The following CACNG3 variants were observed in gnomAD, a reference collection of about 807,000 sequenced individuals.
CACNG3 encodes voltage-dependent calcium channel gamma-3 subunit.
In CACNG3, 3 loss-of-function variants were observed where a neutral mutation model predicts 28.5. The observed-to-expected ratio is 0.11, with a 90% CI of 0.05 to 0.27. The LOEUF (loss-of-function observed/expected upper bound fraction) is 0.27, where lower values mean the gene tolerates loss of function less well. Among genes scored for constraint, CACNG3 ranks in the 10% least tolerant of loss-of-function variants. The pLI, the probability that CACNG3 is intolerant of heterozygous loss-of-function variation, is 1.00. For missense variants in CACNG3, 236 were observed against 414.4 expected (o/e 0.57, Z 3.74); for synonymous variants, 174 against 162.2 (o/e 1.07, Z -0.55).
chr16:24,270,370 A>G (rs1036721548), intron 1 of CACNG3, among the ~76,000 whole-genome samples: 1 of 152,234 alleles, frequency 6.6e-6, no homozygotes, highest in African/African-American at 2.4e-5. Flanking sequence ...AATATGTATT[A>G]CCAAGTAAGT....
chr16:24,267,488 A>G (rs1424160352), intron 1 of CACNG3, among the ~76,000 whole-genome samples: 1 of 152,048 alleles, frequency 6.6e-6, no homozygotes, highest in Non-Finnish European at 1.5e-5. Context: ...GGGTCTTGCT[A>G]TGCAGGCCAG....
chr16:24,274,201 C>CAA (rs145193156), intron 1 of CACNG3, among the ~76,000 whole-genome samples: 49 of 128,074 alleles, frequency 3.8e-4, no homozygotes, highest in African/African-American at 1.2e-3. Flanking sequence ...AAAAAAAAAA[C>CAA]AAAAAAAAAA....
At chr16:24,359,076 G>A (rs1214975177) in intron 3 of CACNG3, among the ~76,000 whole-genome samples, 5 of 151,978 alleles carry the variant, frequency 3.3e-5, no homozygotes, top group Non-Finnish European at 7.4e-5. Flanking sequence ...GCCACCCACC[G>A]TGCTGCCCCC....
chr16:24,361,624 T>C lies in CACNG3; in HGVS notation c.709T>C (p.Ser237Pro). The C allele has an allele frequency of 6.2e-7, 1 of 1,613,436 alleles. No individual in the cohort carries two copies. The highest frequency in any genetic ancestry group is 8.5e-7 in the Non-Finnish European group (1 of 1,179,740). Residue 237 changes from serine (S) to proline (P), a missense_variant, in exon 4 of 4, where the codon TCT becomes CCT. Transcript: ENST00000005284. The surrounding 1 kb of genome is among the most constrained non-coding windows in gnomAD (Gnocchi z 6.8). ...GTATCGATTCCGGAGGCGGTCAAGT[T>C]CTCGCTCCACCGAGCCCAGATCCCG... is the stretch of plus-strand genomic sequence containing the variant. ...YRYRFRRRSS[S>P]RSTEPRSRDL...
chr16:24,271,310 C>T (rs1898687723), intron 1 of CACNG3, among the ~76,000 whole-genome samples: 1 of 152,218 alleles, frequency 6.6e-6, no homozygotes, highest in Non-Finnish European at 1.5e-5. Flanking sequence ...TTAGCACTGT[C>T]TTCCTTCTTT....
intron 1 of CACNG3, among the ~76,000 whole-genome samples, chr16:24,289,110 A>G (rs921992957): frequency 6.6e-6 from 1 of 152,034 alleles, no homozygotes; most frequent in African/African-American, 2.4e-5. Context: ...CATGTCTACA[A>G]AGGTAGTAAG....
intron 1 of CACNG3, among the ~76,000 whole-genome samples, chr16:24,329,184 G>A (rs1899600782): frequency 6.6e-6 from 1 of 152,202 alleles, no homozygotes; most frequent in Non-Finnish European, 1.5e-5. Context: ...CCAGTGTGGT[G>A]TTTGCTCAAA....
chr16:24,320,711 C>T (rs1374974240), intron 1 of CACNG3, among the ~76,000 whole-genome samples: 1 of 151,988 alleles, frequency 6.6e-6, no homozygotes, highest in African/African-American at 2.4e-5. Context: ...CAGAAAGAAA[C>T]AATTCATACG....
chr16:24,294,339 G>A (rs986381935), intron 1 of CACNG3, among the ~76,000 whole-genome samples: 3 of 152,190 alleles, frequency 2.0e-5, no homozygotes, highest in Non-Finnish European at 2.9e-5. Flanking sequence ...CAGCAGAGTC[G>A]CCTGTGCCAA....
chr16:24,285,307 A>G (rs936534670), intron 1 of CACNG3, among the ~76,000 whole-genome samples: 1 of 152,202 alleles, frequency 6.6e-6, no homozygotes, highest in Non-Finnish European at 1.5e-5. Flanking sequence ...GCAAACACAG[A>G]TTGTTTAAGG....
intron 1 of CACNG3, among the ~76,000 whole-genome samples, chr16:24,338,446 T>A (rs55710724): frequency 0.15 from 22,292 of 152,086 alleles, 1,888 homozygotes; most frequent in Non-Finnish European, 0.18. Flanking sequence ...TGGGTTCAAG[T>A]TATTCTCCTG....
At position 24,317,622 on chromosome 16, in the gene CACNG3, GAAAGACAGACAGAAAGAAAGAAAA is replaced by G. The variant is rs1366527590; in HGVS notation, c.212-29111_212-29088del. Among the ~76,000 whole-genome samples the G allele has an allele frequency of 4.7e-4, 27 of 57,922 alleles. 1 individual carries two copies. The highest frequency in any genetic ancestry group is 1.1e-3 in the African/African-American group (15 of 13,960). The allele number at this position is 57,922 out of a possible 152,430, so 38.0% of individuals were successfully genotyped here. Reference sequence around the variant, plus strand: ...AGAAAGAAAGAAAGAAAGAAAGAAAGAAAGACAGACAGAAAGAAAGAAAAGAAAAGAAAGAAAGAAAGAAAGAAA... The same window carrying G: ...AGAAAGAAAGAAAGAAAGAAAGAAAGGAAAAGAAAGAAAGAAAGAAAGAAA... On this transcript the variant is annotated intron_variant, in intron 1 of 3. Transcript: ENST00000005284.
intron 1 of CACNG3, among the ~76,000 whole-genome samples, chr16:24,281,015 T>C (rs755061004): frequency 1.3e-5 from 2 of 152,060 alleles, no homozygotes; most frequent in African/African-American, 4.8e-5. Flanking sequence ...CTATTGCTCA[T>C]ATACTGAAAT....
At chr16:24,269,130 C>T (rs1442424072) in intron 1 of CACNG3, among the ~76,000 whole-genome samples, 3 of 152,152 alleles carry the variant, frequency 2.0e-5, no homozygotes, top group South Asian at 4.1e-4. Flanking sequence ...ACCATCTATC[C>T]ACCTTTTAGC....
intron 1 of CACNG3, among the ~76,000 whole-genome samples, chr16:24,276,276 A>C (rs1461029197): frequency 1.3e-5 from 2 of 152,226 alleles, no homozygotes. Flanking sequence ...TTAACATGCA[A>C]TTGAATTTAT....
chr16:24,319,954 A>G (rs531993758), intron 1 of CACNG3, among the ~76,000 whole-genome samples: 1 of 152,284 alleles, frequency 6.6e-6, no homozygotes, highest in African/African-American at 2.4e-5. Context: ...CATTTTTAGT[A>G]GAGATGGGGT....
rs1028261896 is a variant in CACNG3 at position 24,361,149 on chromosome 16, A to C, written c.437-203A>C. On this transcript the variant is annotated intron_variant, in intron 3 of 3. Coordinates refer to ENST00000005284, the MANE Select transcript of CACNG3 (RefSeq NM_006539.4). The surrounding 1 kb of genome is among the most constrained non-coding windows in gnomAD (Gnocchi z 6.8). Reference sequence around the variant, plus strand: ...GGGTGTATTCTTCAGCTGAATACACATTGCCTGGAACTGAGCAGCAGAATT... The same window carrying C: ...GGGTGTATTCTTCAGCTGAATACACCTTGCCTGGAACTGAGCAGCAGAATT... Among the ~76,000 whole-genome samples, 5 of 152,162 alleles carry C rather than the reference A, an allele frequency of 3.3e-5. No homozygotes were observed. Among genetic ancestry groups the C allele is most frequent in the African/African-American group, 9.7e-5 (4 of 41,430 alleles).
chr16:24,257,027 T>C, intron 1 of CACNG3, 62 bp downstream of exon 1: 1 of 1,013,028 alleles, frequency 9.9e-7, no homozygotes, highest in Non-Finnish European at 1.6e-6. Flanking sequence ...GGTGGGTGTT[T>C]GGAGGAGATG....
chr16:24,280,126 C>T (rs1001888692), intron 1 of CACNG3, among the ~76,000 whole-genome samples: 2 of 152,216 alleles, frequency 1.3e-5, no homozygotes, highest in African/African-American at 4.8e-5. Context: ...CTGAATGCAA[C>T]ACCAGGAGGT....
Sources: allele counts gnomAD v4.1 joint callset (sites outside exome capture counted in the v4.1 genomes callset), GRCh38; gene constraint gnomAD v4.1.1; non-coding constraint Gnocchi (gnomAD v3.1); transcripts MANE v1.5; gene names NCBI Gene and HGNC (gene_info 2026-07-23, HGNC 2026-07-21).